The following PTK2B variants were observed in gnomAD, a reference collection of about 807,000 sequenced individuals.
PTK2B encodes protein-tyrosine kinase 2-beta.
Under a neutral mutation model 142.9 loss-of-function variants are expected in PTK2B, and 71 were observed. The ratio of observed to expected loss-of-function variants is 0.50; its 90% CI spans 0.41 to 0.61. The LOEUF (loss-of-function observed/expected upper bound fraction) is 0.61. Ranked by LOEUF, PTK2B falls within the 20% of genes least tolerant of loss-of-function variation. The pLI, the probability that PTK2B is intolerant of heterozygous loss-of-function variation, is 0.00. For synonymous variants in PTK2B, 519 were observed against 503.4 expected (o/e 1.03, Z -0.42); for missense variants, 1,105 against 1,320.4 (o/e 0.84, Z 2.53).
At chr8:27,403,161 C>A (rs932547363) in intron 2 of PTK2B, among the ~76,000 whole-genome samples, 2 of 152,164 alleles carry the variant, frequency 1.3e-5, no homozygotes, top group Non-Finnish European at 2.9e-5. Context: ...ATCTTTGTAT[C>A]TTCCTTTCCT....
At position 27,443,087 on chromosome 8, in the gene PTK2B, C is replaced by G. The variant is rs1452576025; in HGVS notation, c.2148+104C>G. Reference sequence around the variant, plus strand: ...GCACAGGCAGGATGCCCCCTACAGCCCTTTCTCAGTCCTTCACCCAGCATC... The same window carrying G: ...GCACAGGCAGGATGCCCCCTACAGCGCTTTCTCAGTCCTTCACCCAGCATC... On this transcript the variant is annotated intron_variant, in intron 22 of 30. Coordinates refer to ENST00000346049, the MANE Select transcript of PTK2B (RefSeq NM_173176.3). 3 of 696,566 alleles carry G rather than the reference C, an allele frequency of 4.3e-6. No individual in the cohort carries two copies. In the African/African-American group the frequency reaches 5.4e-5, roughly 12 times the overall value. The allele number at this position is 696,566 out of a possible 1,614,324, so 43.1% of individuals were successfully genotyped here. A position where few individuals can be genotyped will look rare whatever the true frequency, so the allele number is the denominator to read the frequency against.
At chr8:27,399,905 G>A (rs934746543) in intron 2 of PTK2B, among the ~76,000 whole-genome samples, 3 of 152,130 alleles carry the variant, frequency 2.0e-5, no homozygotes, top group African/African-American at 4.8e-5. Flanking sequence ...CTCTTCACCC[G>A]GGGATCATGC....
At chr8:27,332,145 G>A (rs1803791222) in intron 1 of PTK2B, among the ~76,000 whole-genome samples, 1 of 152,234 alleles carries the variant, frequency 6.6e-6, no homozygotes, top group African/African-American at 2.4e-5. Flanking sequence ...ACAGGCAGAA[G>A]CTCAGGCAGT....
chr8:27,437,532 C>A, intron 17 of PTK2B, 36 bp downstream of exon 17: 1 of 1,508,274 alleles, frequency 6.6e-7, no homozygotes, highest in Non-Finnish European at 9.1e-7. Context: ...AACTGGGCTG[C>A]AGCATGGGGG....
chr8:27,314,549 G>T (rs999000658), intron 3 of PTK2B, among the ~76,000 whole-genome samples: 2 of 152,236 alleles, frequency 1.3e-5, no homozygotes, highest in Non-Finnish European at 2.9e-5. Flanking sequence ...CCCATAGGGC[G>T]TAGGCCAAGT....
rs776188780 is a variant in PTK2B, at chr8:27,439,373, G to A, written c.1809G>A (p.Thr603=). 2.3e-5 allele frequency: 37 copies of A among 1,613,726 alleles called. No homozygotes were observed. The highest frequency in any genetic ancestry group is 2.6e-5 in the Non-Finnish European group (31 of 1,179,768). Residue 603 remains threonine (T), a synonymous_variant, in exon 20 of 31, where the codon ACG becomes ACA. Transcript: ENST00000346049. ...SPESINFRRF[T]TASDVWMFAV... ...AGTCCATTAACTTCCGACGCTTCACGACAGCCAGTGACGTCTGGATGTTCG... is the reference window on the plus strand; with the variant it reads ...AGTCCATTAACTTCCGACGCTTCACAACAGCCAGTGACGTCTGGATGTTCG...
At chr8:27,454,484 C>T (rs772487179) in intron 29 of PTK2B, 47 bp from the exon 30 acceptor site, 3 of 1,596,444 alleles carry the variant, frequency 1.9e-6, no homozygotes, top group Middle Eastern at 1.8e-4. Flanking sequence ...ACCTGGCTCT[C>T]TCCAATAGCT....
chr8:27,413,462 G>C (rs765776441), intron 2 of PTK2B, among the ~76,000 whole-genome samples: 4 of 152,142 alleles, frequency 2.6e-5, no homozygotes, highest in Non-Finnish European at 5.9e-5. Context: ...CTCCAATCTG[G>C]GAGAGTTCCT....
intron 1 of PTK2B, among the ~76,000 whole-genome samples, chr8:27,384,757 C>G (rs1807238426): frequency 6.6e-6 from 1 of 152,178 alleles, no homozygotes; most frequent in South Asian, 2.1e-4. Context: ...TCTCCATGCA[C>G]TAGGTCAGGT....
intron 1 of PTK2B, among the ~76,000 whole-genome samples, chr8:27,335,407 A>G (rs1249903287): frequency 6.6e-6 from 1 of 152,146 alleles, no homozygotes; most frequent in African/African-American, 2.4e-5. Context: ...AGCCTGACCA[A>G]CATGGAGAAA....
intron 1 of PTK2B, among the ~76,000 whole-genome samples, chr8:27,330,498 C>T (rs1256609973): frequency 2.0e-5 from 3 of 152,152 alleles, no homozygotes; most frequent in Admixed American, 6.5e-5. Context: ...AGACTGTCTA[C>T]GAATGCCCAG....
chr8:27,432,767 G>GAGCGTT (rs1563282753), intron 10 of PTK2B, among the ~76,000 whole-genome samples: 2 of 151,454 alleles, frequency 1.3e-5, no homozygotes, highest in African/African-American at 2.4e-5. Context: ...ACCTCAGGCT[G>GAGCGTT]CATCTCTCTC....
chr8:27,321,390 G>A (rs180745690), upstream of PTK2B, among the ~76,000 whole-genome samples: 48 of 152,292 alleles, frequency 3.2e-4, no homozygotes, highest in Admixed American at 5.2e-4. Context: ...TTATGTCATA[G>A]TATCACCGAT....
At chr8:27,311,331 C>A, upstream of PTK2B, 1 of 1,366,014 alleles carries the variant, frequency 7.3e-7, no homozygotes, top group South Asian at 1.5e-5. Flanking sequence ...TGGGAATCGC[C>A]CAGTCCCTTC....
At chr8:27,422,276 C>T (rs1281964012) in intron 4 of PTK2B, 28 bp from the exon 5 acceptor site, 1 of 1,605,274 alleles carries the variant, frequency 6.2e-7, no homozygotes, top group Non-Finnish European at 8.5e-7. Flanking sequence ...AGGGTGCAAG[C>T]CTGATGCTTG....
At chr8:27,433,689 T>A in intron 11 of PTK2B, 137 bp downstream of exon 11, 1 of 779,016 alleles carries the variant, frequency 1.3e-6, no homozygotes, top group Non-Finnish European at 2.1e-6. Context: ...GCGGGAAGCT[T>A]CCAGTGGGCC....
intron 1 of PTK2B, among the ~76,000 whole-genome samples, chr8:27,330,869 G>A (rs961516530): frequency 1.3e-5 from 2 of 152,154 alleles, no homozygotes; most frequent in African/African-American, 4.8e-5. Context: ...AGTGGTCTTC[G>A]TGGCCTCTTA....
At chr8:27,364,187 C>T (rs950697224) in intron 1 of PTK2B, among the ~76,000 whole-genome samples, 1 of 152,200 alleles carries the variant, frequency 6.6e-6, no homozygotes, top group Admixed American at 6.5e-5. Flanking sequence ...CTCAGCTTTG[C>T]CCTCTGTGCC....
rs897668885 is a variant in PTK2B at position 27,363,706 on chromosome 8, T to C, written c.-37-33842T>C. 1.3e-5 allele frequency among the ~76,000 whole-genome samples: 2 copies of C among 152,130 alleles called. No individual in the cohort carries two copies. The highest frequency in any genetic ancestry group is 4.8e-5 in the African/African-American group (2 of 41,430). The stretch of plus-strand genomic sequence containing the variant: ...GAGGCTCAGGGGCTCTCCCATGTCC[T>C]GTCTGAGTAGGCTGCATGATGACTA... On this transcript the variant is annotated intron_variant, in intron 1 of 30. Transcript: ENST00000346049. The surrounding 1 kb of genome is among the most constrained non-coding windows in gnomAD (Gnocchi z 4.3).
Sources: allele counts gnomAD v4.1 joint callset (sites outside exome capture counted in the v4.1 genomes callset), GRCh38; gene constraint gnomAD v4.1.1; non-coding constraint Gnocchi (gnomAD v3.1); transcripts MANE v1.5; gene names NCBI Gene and HGNC (gene_info 2026-07-23, HGNC 2026-07-21).